KCNMA1: variants seen among roughly 807,000 people sequenced by gnomAD.
The protein encoded by KCNMA1 is potassium calcium-activated channel subfamily M alpha 1.
Under a neutral mutation model 140.0 loss-of-function variants are expected in KCNMA1, and 29 were observed. The observed-to-expected ratio is 0.21, with a 90% CI of 0.15 to 0.28. The LOEUF is 0.28. Among genes scored for constraint, KCNMA1 ranks in the 10% least tolerant of loss-of-function variants. KCNMA1 has a pLI of 1.00. For missense variants in KCNMA1, 880 were observed against 1,602.2 expected, an observed-to-expected ratio of 0.55 and a Z score of 7.70; for synonymous variants, 612 against 611.9, an observed-to-expected ratio of 1.00 and a Z score of 0.00.
At chr10:77,392,211 A>G (rs2095858667) in intron 2 of KCNMA1, among the ~76,000 whole-genome samples, 1 of 94,890 alleles carries the variant, frequency 1.1e-5, no homozygotes, top group Non-Finnish European at 2.1e-5. Flanking sequence ...AGTGGGGAGG[A>G]AGGAAGGAAG....
intron 1 of KCNMA1, among the ~76,000 whole-genome samples, chr10:77,514,351 C>A (rs188632765): frequency 1.2e-4 from 19 of 152,344 alleles, no homozygotes; most frequent in African/African-American, 4.6e-4. Context: ...GGCTGCCTGA[C>A]TGGCACATTC....
intron 19 of KCNMA1, among the ~76,000 whole-genome samples, chr10:76,982,203 C>T (rs377668486): frequency 1.3e-5 from 2 of 151,622 alleles, no homozygotes; most frequent in Non-Finnish European, 2.9e-5. Flanking sequence ...GCATTAAATA[C>T]GAATATACGA....
chr10:76,982,771 A>C (rs1003884899), intron 19 of KCNMA1, among the ~76,000 whole-genome samples: 1 of 152,210 alleles, frequency 6.6e-6, no homozygotes, highest in African/African-American at 2.4e-5. Flanking sequence ...CATCTTGCAA[A>C]AGTCTATCAG....
chr10:77,000,835 T>C, intron 19 of KCNMA1, among the ~76,000 whole-genome samples: 1 of 107,530 alleles, frequency 9.3e-6, no homozygotes, highest in South Asian at 3.2e-4. Flanking sequence ...AGGCACAGGT[T>C]AGAGAGACAT....
chr10:77,003,316 AAT>A (rs1212174168), intron 18 of KCNMA1, among the ~76,000 whole-genome samples: 1 of 152,214 alleles, frequency 6.6e-6, no homozygotes, highest in Non-Finnish European at 1.5e-5. Flanking sequence ...ACCAAAAAAA[AAT>A]AAAAAATAAA....
chr10:76,881,249 C>G (rs1371453445), downstream of KCNMA1, among the ~76,000 whole-genome samples: 1 of 152,110 alleles, frequency 6.6e-6, no homozygotes, highest in East Asian at 1.9e-4. Context: ...AGCTCACGTA[C>G]TAGTTGCATG....
intron 5 of KCNMA1, among the ~76,000 whole-genome samples, chr10:77,138,062 C>A (rs2098086187): frequency 6.6e-6 from 1 of 151,768 alleles, no homozygotes; most frequent in Non-Finnish European, 1.5e-5. Flanking sequence ...GATTGTCGCC[C>A]ATTCATTCAT....
intron 9 of KCNMA1, among the ~76,000 whole-genome samples, chr10:77,101,172 G>T (rs1047712751): frequency 6.6e-6 from 1 of 151,992 alleles, no homozygotes; most frequent in South Asian, 2.1e-4. Flanking sequence ...CATGTCCCAC[G>T]CCCACCAAGA....
At chr10:77,168,564 T>A in intron 5 of KCNMA1, among the ~76,000 whole-genome samples, 1 of 152,140 alleles carries the variant, frequency 6.6e-6, no homozygotes, top group East Asian at 1.9e-4. Flanking sequence ...ATATAAAAGA[T>A]ACAGTAAAAA....
At chr10:77,222,830 C>T (rs2050122213) in intron 3 of KCNMA1, among the ~76,000 whole-genome samples, 1 of 152,216 alleles carries the variant, frequency 6.6e-6, no homozygotes, top group Non-Finnish European at 1.5e-5. Flanking sequence ...AGCTGATTGC[C>T]ATTCTCTACA....
rs1376554466 is a variant in KCNMA1, at chr10:76,889,441, C to A, written c.3461+10G>T. 2 of 1,569,816 alleles carry A rather than the reference C, an allele frequency of 1.3e-6. No individual in the cohort carries two copies. The highest frequency in any genetic ancestry group is 1.8e-6 in the Non-Finnish European group (2 of 1,139,656). ...TTAGGTGGGAGGGCAGAGTTGAAAC[C>A]AATACTCACCTCTTTGTGCACTGAC... On this transcript the variant is annotated intron_variant, in intron 27 of 27. Transcript: ENST00000286628.
chr10:77,537,706 G>C (rs1337132380), intron 1 of KCNMA1, among the ~76,000 whole-genome samples: 1 of 151,784 alleles, frequency 6.6e-6, no homozygotes, highest in Non-Finnish European at 1.5e-5. Flanking sequence ...GAGAAACAGA[G>C]AACAATCTAT....
intron 5 of KCNMA1, among the ~76,000 whole-genome samples, chr10:77,159,328 A>G (rs2098528395): frequency 6.6e-6 from 1 of 152,026 alleles, no homozygotes; most frequent in Admixed American, 6.5e-5. Context: ...TCTTCCCTAT[A>G]GTATCGTTGC....
chr10:77,110,062 G>T, intron 8 of KCNMA1, 111 bp downstream of exon 8: 1 of 955,196 alleles, frequency 1.0e-6, no homozygotes, highest in Non-Finnish European at 1.7e-6. Flanking sequence ...GTAACGTTAA[G>T]GCTTGCTTCT....
intron 5 of KCNMA1, among the ~76,000 whole-genome samples, chr10:77,138,801 T>C (rs758860537): frequency 6.6e-6 from 1 of 152,196 alleles, no homozygotes; most frequent in Non-Finnish European, 1.5e-5. Context: ...TCCCAGTTCG[T>C]CCTCAGCTCT....
chr10:77,214,056 C>A (rs1355420765), intron 3 of KCNMA1, among the ~76,000 whole-genome samples: 1 of 152,126 alleles, frequency 6.6e-6, no homozygotes. Flanking sequence ...CCTTCCATAA[C>A]AGAAGCCCTC....
At chr10:76,992,025 C>G (rs2082913330) in intron 19 of KCNMA1, among the ~76,000 whole-genome samples, 1 of 152,180 alleles carries the variant, frequency 6.6e-6, no homozygotes, top group South Asian at 2.1e-4. Context: ...AGATCTGCCT[C>G]AAAAGATTCC....
chr10:77,181,142 C>A (rs2098799500), intron 5 of KCNMA1, among the ~76,000 whole-genome samples: 1 of 152,150 alleles, frequency 6.6e-6, no homozygotes, highest in African/African-American at 2.4e-5. Context: ...AGACAATGGA[C>A]ACTGGCAGAA....
chr10:76,967,460 T>C lies in KCNMA1; in HGVS notation c.2360+2514A>G, dbSNP rs569034722. Among the ~76,000 whole-genome samples, 6 of 152,286 alleles carry C rather than the reference T, an allele frequency of 3.9e-5. No individual in the cohort carries two copies. The South Asian group carries it at 1.2e-3, about 32-fold the overall frequency. ...AGGGGGTTTAGCAAAAATGGACCCA[T>C]GACTTCATTGCCAGTGCCAGATATT... On this transcript the variant is annotated intron_variant, in intron 20 of 27. Transcript: ENST00000286628.
Sources: allele counts gnomAD v4.1 joint callset (sites outside exome capture counted in the v4.1 genomes callset), GRCh38; gene constraint gnomAD v4.1.1; transcripts MANE v1.5; gene names NCBI Gene and HGNC (gene_info 2026-07-23, HGNC 2026-07-21).